The following ZRANB3 variants were observed in gnomAD, a reference collection of about 807,000 sequenced individuals.
The protein encoded by ZRANB3 is DNA annealing helicase and endonuclease ZRANB3.
In ZRANB3, 125 loss-of-function variants were observed where a neutral mutation model predicts 133.8. The ratio of observed to expected loss-of-function variants is 0.93; its 90% CI spans 0.81 to 1.08. The LOEUF is 1.08. ZRANB3 is among the 50% of genes least tolerant of loss of function. ZRANB3 has a pLI of 0.00. For synonymous variants in ZRANB3, 387 were observed against 432.7 expected, an observed-to-expected ratio of 0.89 and a Z score of 1.31; for missense variants, 1,229 against 1,275.5, an observed-to-expected ratio of 0.96 and a Z score of 0.56.
At chr2:135,317,902 T>C (rs1683337440) in intron 6 of ZRANB3, among the ~76,000 whole-genome samples, 1 of 152,142 alleles carries the variant, frequency 6.6e-6, no homozygotes, top group African/African-American at 2.4e-5. Flanking sequence ...GTGGCGTTTG[T>C]TCTAAAGAGT....
intron 6 of ZRANB3, among the ~76,000 whole-genome samples, chr2:135,323,151 T>A (rs6709046): frequency 0.27 from 40,535 of 152,126 alleles, 9,054 homozygotes; most frequent in African/African-American, 0.6. Context: ...TAAACAAATT[T>A]TCAAACTGTT....
At chr2:135,499,644 C>G (rs1223828846) in intron 2 of ZRANB3, among the ~76,000 whole-genome samples, 1 of 152,016 alleles carries the variant, frequency 6.6e-6, no homozygotes, top group Non-Finnish European at 1.5e-5. Context: ...ATAAAAACCT[C>G]AATGTACATC....
chr2:135,500,713 A>C (rs998579397), intron 2 of ZRANB3, among the ~76,000 whole-genome samples: 1 of 150,914 alleles, frequency 6.6e-6, no homozygotes, highest in Non-Finnish European at 1.5e-5. Context: ...CAAGCTATAC[A>C]TTCATAATCT....
At chr2:135,275,832 GA>G in intron 8 of ZRANB3, 77 bp from the exon 9 acceptor site, 1 of 1,189,316 alleles carries the variant, frequency 8.4e-7, no homozygotes, top group Non-Finnish European at 1.1e-6. Context: ...AATAAAGCAA[GA>G]AAAATGGCTT....
At chr2:135,434,159 A>C (rs80024439) in intron 2 of ZRANB3, among the ~76,000 whole-genome samples, 1 of 152,042 alleles carries the variant, frequency 6.6e-6, no homozygotes, top group Non-Finnish European at 1.5e-5. Flanking sequence ...GAGAGACTCC[A>C]TCTCAAAAAA....
At chr2:135,445,898 A>G (rs1689999857) in intron 2 of ZRANB3, among the ~76,000 whole-genome samples, 1 of 146,098 alleles carries the variant, frequency 6.8e-6, no homozygotes, top group Non-Finnish European at 1.5e-5. Flanking sequence ...AAAAGAAAAG[A>G]AAAACAAAAA....
intron 8 of ZRANB3, among the ~76,000 whole-genome samples, chr2:135,310,825 T>C (rs1682932399): frequency 6.6e-6 from 1 of 152,150 alleles, no homozygotes; most frequent in African/African-American, 2.4e-5. Flanking sequence ...GTGTTGTATA[T>C]GTGCTGCTTT....
intron 2 of ZRANB3, among the ~76,000 whole-genome samples, chr2:135,503,102 A>G (rs1458893754): frequency 6.6e-6 from 1 of 152,200 alleles, no homozygotes; most frequent in African/African-American, 2.4e-5. Flanking sequence ...ACTTTCTAGG[A>G]TGATGGGTTT....
chr2:135,503,299 G>A (rs966722581), intron 2 of ZRANB3, among the ~76,000 whole-genome samples: 1 of 152,096 alleles, frequency 6.6e-6, no homozygotes, highest in Admixed American at 6.5e-5. Flanking sequence ...GGGACTGATG[G>A]GACAGAAGGA....
chr2:135,227,780 A>G (rs1377001168), intron 14 of ZRANB3, 32 bp downstream of exon 14: 1 of 1,545,702 alleles, frequency 6.5e-7, no homozygotes, highest in Non-Finnish European at 8.8e-7. Context: ...TATGGTTATT[A>G]CTTGGATGCT....
At chr2:135,418,954 T>C (rs1336451410) in intron 2 of ZRANB3, among the ~76,000 whole-genome samples, 2 of 127,552 alleles carry the variant, frequency 1.6e-5, no homozygotes, top group African/African-American at 3.5e-5. Flanking sequence ...TTTTTTTTTT[T>C]TGAGACGGAG....
chr2:135,451,267 G>C (rs564910679), intron 2 of ZRANB3, among the ~76,000 whole-genome samples: 309 of 152,166 alleles, frequency 2.0e-3, no homozygotes, highest in Admixed American at 4.3e-3. Flanking sequence ...CTGGCATCCA[G>C]TAAAAAATTA....
chr2:135,362,227 G>A (rs896458245), intron 3 of ZRANB3, among the ~76,000 whole-genome samples: 1 of 151,734 alleles, frequency 6.6e-6, no homozygotes, highest in East Asian at 1.9e-4. Flanking sequence ...ATAGAATAGT[G>A]TGTGTACATT....
In ZRANB3 at chr2:135,501,774, G is replaced by A. The variant is rs1036955649; in HGVS notation, c.161+2555C>T. 7.9e-5 allele frequency among the ~76,000 whole-genome samples: 12 copies of A among 152,148 alleles called. 1 individual carries two copies. The highest frequency in any genetic ancestry group is 2.2e-4 in the African/African-American group (9 of 41,516). ...CATTCTGGATTAGTTGGACTGATTCGCCATGATTCCTAGATCAAATGTTTC... is the reference window on the plus strand; with the variant it reads ...CATTCTGGATTAGTTGGACTGATTCACCATGATTCCTAGATCAAATGTTTC... On this transcript the variant is annotated intron_variant, in intron 2 of 20. Coordinates refer to ENST00000264159, the MANE Select transcript of ZRANB3 (RefSeq NM_032143.4).
At chr2:135,294,487 T>C (rs545404812) in intron 8 of ZRANB3, among the ~76,000 whole-genome samples, 1 of 152,284 alleles carries the variant, frequency 6.6e-6, no homozygotes, top group East Asian at 1.9e-4. Flanking sequence ...CTTCTCTCTT[T>C]TCTTCTTTAT....
intron 2 of ZRANB3, among the ~76,000 whole-genome samples, chr2:135,464,410 T>C (rs966363235): frequency 6.6e-6 from 1 of 152,170 alleles, no homozygotes; most frequent in African/African-American, 2.4e-5. Context: ...AGGGTGGAAG[T>C]TGCAAACTCA....
intron 8 of ZRANB3, among the ~76,000 whole-genome samples, chr2:135,293,201 A>G (rs1485331899): frequency 2.6e-5 from 4 of 152,160 alleles, no homozygotes; most frequent in African/African-American, 9.7e-5. Context: ...GGCCATTTTC[A>G]TGACATTGAT....
chr2:135,248,492 A>T (rs1695901298), intron 12 of ZRANB3, among the ~76,000 whole-genome samples: 1 of 152,244 alleles, frequency 6.6e-6, no homozygotes, highest in African/African-American at 2.4e-5. Context: ...CAGGGTAAAC[A>T]GACAACCTAC....
At chr2:135,204,756 T>TTA (rs918194168) in intron 19 of ZRANB3, among the ~76,000 whole-genome samples, 50 of 140,620 alleles carry the variant, frequency 3.6e-4, no homozygotes, top group Non-Finnish European at 6.1e-4. Flanking sequence ...TATTATATAT[T>TTA]TATATATATA....
Sources: gnomAD v4.1 joint callset for allele counts (sites outside exome capture counted in the v4.1 genomes callset) on GRCh38, gnomAD v4.1.1 for gene constraint, MANE v1.5 for transcripts, NCBI Gene and HGNC (gene_info 2026-07-23, HGNC 2026-07-21) for gene names.